NTNG1: variants seen among roughly 807,000 people sequenced by gnomAD.
NTNG1 encodes the protein netrin-G1.
In NTNG1, 16 loss-of-function variants were observed where a neutral mutation model predicts 54.0. The ratio of observed to expected loss-of-function variants is 0.30; its 90% confidence interval spans 0.20 to 0.45. The LOEUF (loss-of-function observed/expected upper bound fraction) is 0.45, where lower values mean the gene tolerates loss of function less well. NTNG1 is among the 20% of genes least tolerant of loss of function. NTNG1 has a pLI of 1.00. For missense variants in NTNG1, 530 were observed against 678.7 expected, an observed-to-expected ratio of 0.78 and a Z score of 2.43; for synonymous variants, 255 against 263.1, an observed-to-expected ratio of 0.97 and a Z score of 0.30.
In NTNG1 at chr1:107,180,013, A is replaced by G. The variant is rs553319817; in HGVS notation, c.246+31174A>G. Among the ~76,000 whole-genome samples the G allele has an allele frequency of 1.5e-3, 230 of 152,218 alleles. 1 individual carries two copies. The highest frequency in any genetic ancestry group is 5.3e-3 in the African/African-American group (222 of 41,550). ...CAGGAGCCTTAAATTTGCCCAATTAACTCAAGGCCCTATTGAAACCCTTGC... is the reference window on the plus strand; with the variant it reads ...CAGGAGCCTTAAATTTGCCCAATTAGCTCAAGGCCCTATTGAAACCCTTGC... On this transcript the variant is annotated intron_variant, in intron 2 of 7. Transcript: ENST00000370068.
rs554123370 is a variant in NTNG1, at chr1:107,161,821, T to C, written c.246+12982T>C. Among the ~76,000 whole-genome samples the C allele has an allele frequency of 3.4e-4, 51 of 152,124 alleles. No individual in the cohort carries two copies. In the South Asian group the frequency reaches 5.0e-3, roughly 15 times the overall value. ...CCCTATTTCCCTAAGAAGAAATCAG[T>C]ATCTTGCATTGCTGTATTTCCTTCT... On this transcript the variant is annotated intron_variant, in intron 2 of 7. Transcript: ENST00000370068.
intron 5 of NTNG1, among the ~76,000 whole-genome samples, chr1:107,418,164 C>T (rs912678042): frequency 3.3e-5 from 5 of 151,980 alleles, no homozygotes; most frequent in Admixed American, 1.3e-4. Context: ...TCATGAAAGA[C>T]GAATGCAACC....
chr1:107,364,666 T>A (rs1670488097), intron 3 of NTNG1, among the ~76,000 whole-genome samples: 1 of 152,162 alleles, frequency 6.6e-6, no homozygotes, highest in Non-Finnish European at 1.5e-5. Flanking sequence ...ATCTCCATCA[T>A]TTTTTTCCTC....
At chr1:107,142,059 G>T (rs966016238) in intron 1 of NTNG1, among the ~76,000 whole-genome samples, 4 of 152,066 alleles carry the variant, frequency 2.6e-5, no homozygotes, top group Non-Finnish European at 5.9e-5. Flanking sequence ...AGGAAGACTT[G>T]GTGTAGGGAT....
At chr1:107,471,585 A>G (rs1454181643) in intron 7 of NTNG1, among the ~76,000 whole-genome samples, 3 of 152,214 alleles carry the variant, frequency 2.0e-5, no homozygotes, top group East Asian at 1.9e-4. Flanking sequence ...GAGAGTGCAC[A>G]TTGAATGAGA....
Position 107,309,543 on chromosome 1 carries a change from T to C in NTNG1, c.247-14739T>C, listed in dbSNP as rs914934153. ...GACTATCTACTCTCTGCCAGGAATT[T>C]TGAAGGATACAAAAATGAATAAGAT... On this transcript the variant is annotated intron_variant, in intron 2 of 7. Coordinates refer to ENST00000370068, the MANE Select transcript of NTNG1 (RefSeq NM_001113226.3). Among the ~76,000 whole-genome samples the C allele has an allele frequency of 5.3e-5, 8 of 152,194 alleles. No individual in the cohort carries two copies. The South Asian group carries it at 1.0e-3, about 20-fold the overall frequency.
chr1:107,413,415 G>A (rs1673974612), intron 5 of NTNG1, among the ~76,000 whole-genome samples: 1 of 151,862 alleles, frequency 6.6e-6, no homozygotes, highest in Non-Finnish European at 1.5e-5. Flanking sequence ...CATCAATAAT[G>A]CTATTTCCAT....
chr1:107,414,302 G>T (rs1341123312), intron 5 of NTNG1, among the ~76,000 whole-genome samples: 7 of 152,026 alleles, frequency 4.6e-5, no homozygotes, highest in African/African-American at 1.2e-4. Flanking sequence ...CATGAAAATT[G>T]ATTTCAAGTG....
chr1:107,345,623 G>A (rs1669175721), intron 3 of NTNG1, among the ~76,000 whole-genome samples: 1 of 152,128 alleles, frequency 6.6e-6, no homozygotes, highest in African/African-American at 2.4e-5. Flanking sequence ...CCACCTGCAG[G>A]CTGATAACTG....
intron 1 of NTNG1, among the ~76,000 whole-genome samples, chr1:107,147,553 A>G (rs1654217206): frequency 6.6e-6 from 1 of 152,150 alleles, no homozygotes. Flanking sequence ...GAGCAAATCC[A>G]CAGGGACAGG....
At chr1:107,448,943 A>T (rs1304621971) in intron 7 of NTNG1, among the ~76,000 whole-genome samples, 1 of 152,166 alleles carries the variant, frequency 6.6e-6, no homozygotes, top group African/African-American at 2.4e-5. Flanking sequence ...ATATATCAAA[A>T]GGAAATACAA....
At chr1:107,189,305 C>T (rs1485202938) in intron 2 of NTNG1, among the ~76,000 whole-genome samples, 4 of 146,688 alleles carry the variant, frequency 2.7e-5, no homozygotes, top group Non-Finnish European at 5.9e-5. Context: ...GAACCGAGAT[C>T]AGGCCACTGC....
At chr1:107,361,234 C>A (rs1016217413) in intron 3 of NTNG1, among the ~76,000 whole-genome samples, 3 of 135,632 alleles carry the variant, frequency 2.2e-5, no homozygotes. Context: ...ATAAAATAAA[C>A]ATATAAATTA....
chr1:107,279,410 A>G (rs1346277142), intron 2 of NTNG1, among the ~76,000 whole-genome samples: 1 of 152,102 alleles, frequency 6.6e-6, no homozygotes, highest in Non-Finnish European at 1.5e-5. Context: ...TTGGAGCAAA[A>G]TTATTTAACA....
chr1:107,473,555 A>G (rs1678120947), intron 7 of NTNG1, among the ~76,000 whole-genome samples: 1 of 152,238 alleles, frequency 6.6e-6, no homozygotes. Flanking sequence ...CAGTTTGAGA[A>G]GAGGAAATGT....
chr1:107,195,513 A>G (rs1176051206), intron 2 of NTNG1, among the ~76,000 whole-genome samples: 1 of 151,946 alleles, frequency 6.6e-6, no homozygotes, highest in Non-Finnish European at 1.5e-5. Context: ...CTCATTTCAC[A>G]TGGGTAAAAG....
At chr1:107,257,149 T>C (rs1181315929) in intron 2 of NTNG1, among the ~76,000 whole-genome samples, 1 of 152,214 alleles carries the variant, frequency 6.6e-6, no homozygotes, top group African/African-American at 2.4e-5. Flanking sequence ...GCTATTTATA[T>C]GATATTAACT....
At chr1:107,401,434 A>T (rs1448163562) in intron 4 of NTNG1, among the ~76,000 whole-genome samples, 2 of 152,148 alleles carry the variant, frequency 1.3e-5, no homozygotes, top group Non-Finnish European at 2.9e-5. Flanking sequence ...GGAATTCAAC[A>T]TCTTTAGGAT....
At chr1:107,254,872 A>G (rs1375607792) in intron 2 of NTNG1, among the ~76,000 whole-genome samples, 1 of 152,210 alleles carries the variant, frequency 6.6e-6, no homozygotes, top group Admixed American at 6.5e-5. Context: ...ACACAGCTTT[A>G]GTATTCAAAG....
Sources: allele counts gnomAD v4.1 joint callset (sites outside exome capture counted in the v4.1 genomes callset), GRCh38; gene constraint gnomAD v4.1.1; transcripts MANE v1.5; gene names NCBI Gene and HGNC (gene_info 2026-07-23, HGNC 2026-07-21).